The following COL6A5 variants were observed in gnomAD, a reference collection of about 807,000 sequenced individuals.
The protein encoded by COL6A5 is collagen type VI alpha 5 chain, also known as collagen alpha-5(VI) chain.
A neutral mutation model predicts 65.6 loss-of-function variants in COL6A5; 48 were observed. The ratio of observed to expected loss-of-function variants is 0.73; its 90% CI spans 0.58 to 0.93. The LOEUF is 0.93. COL6A5 is among the 40% of genes least tolerant of loss of function. The pLI, the probability that COL6A5 is intolerant of heterozygous loss-of-function variation, is 0.00. For missense variants in COL6A5, 914 were observed against 928.3 expected (o/e 0.98, Z 0.20); for synonymous variants, 291 against 322.8 (o/e 0.90, Z 1.05).
rs1295051654 is a variant in COL6A5 at position 130,379,637 on chromosome 3, C to T, written c.887C>T (p.Ser296Phe). 10 of 1,551,480 alleles carry T rather than the reference C, an allele frequency of 6.4e-6. No homozygotes were observed. In the South Asian group the frequency reaches 8.3e-5, roughly 13 times the overall value. ...TTTCTTAAATCAAGCACAACCCAAT[C>T]TGAATTTCAGCAGCAAATCAAGAAT... Residue 296 changes from serine (S) to phenylalanine (F), a missense_variant and NMD_transcript_variant, in exon 4 of 42, where the codon TCT becomes TTT. Transcript: ENST00000312481.
intron 12 of COL6A5, among the ~76,000 whole-genome samples, chr3:130,403,181 A>G (rs964105944): frequency 6.6e-6 from 1 of 152,240 alleles, no homozygotes; most frequent in African/African-American, 2.4e-5. Flanking sequence ...ATTAAAATAT[A>G]TGCAATCTTG....
At chr3:130,432,842 C>T (rs1484057548) in intron 1 of COL6A5, among the ~76,000 whole-genome samples, 1 of 152,086 alleles carries the variant, frequency 6.6e-6, no homozygotes, top group Non-Finnish European at 1.5e-5. Context: ...CAAAAGAGGT[C>T]CTGTCACTTT....
chr3:130,472,902 TAC>T (rs1160887789), intron 7 of COL6A5, among the ~76,000 whole-genome samples: 1 of 146,312 alleles, frequency 6.8e-6, no homozygotes, highest in Non-Finnish European at 1.5e-5. Context: ...TAAATATATA[TAC>T]ACACATACAT....
intron 13 of COL6A5, among the ~76,000 whole-genome samples, chr3:130,404,633 G>A (rs532000262): frequency 6.6e-6 from 1 of 152,280 alleles, no homozygotes; most frequent in East Asian, 1.9e-4. Context: ...CACCTGCCTG[G>A]CTGAGCCCAC....
chr3:130,351,934 A>T (rs910981081), intron 1 of COL6A5, among the ~76,000 whole-genome samples: 1 of 152,050 alleles, frequency 6.6e-6, no homozygotes, highest in African/African-American at 2.4e-5. Flanking sequence ...TAGACTGGAT[A>T]AAGAAAATGT....
chr3:130,395,293 C>A (rs1428867836), exon 8 of COL6A5: 1 of 1,551,400 alleles, frequency 6.4e-7, no homozygotes, highest in Non-Finnish European at 8.7e-7. Flanking sequence ...CCCTGAAGGA[C>A]CTTGGAATTT....
chr3:130,400,950 C>T, intron 10 of COL6A5, 81 bp from the exon 11 acceptor site: 1 of 1,134,090 alleles, frequency 8.8e-7, no homozygotes, highest in Non-Finnish European at 1.2e-6. Flanking sequence ...AAATCATGTT[C>T]ACTGAGTAGA....
exon 26 of COL6A5, chr3:130,421,187 G>C (rs755141053): frequency 6.4e-7 from 1 of 1,550,636 alleles, no homozygotes; most frequent in East Asian, 2.4e-5. Context: ...GGTCAGATGG[G>C]ACGAAAAGGA....
At chr3:130,391,601 A>G (rs1466865905) in exon 7 of COL6A5, 2 of 1,551,688 alleles carry the variant, frequency 1.3e-6, no homozygotes, top group Admixed American at 2.0e-5. Context: ...CAAAGGCATC[A>G]CCATCTTTGC....
rs534936837 is a variant in COL6A5 at position 130,411,053 on chromosome 3, A to G, written c.4662+529A>G. ...CAATGAGAAAGAGGACTCACAAACA[A>G]ATTCTTCCTAAATGGGCCAAAGCAC... is the stretch of plus-strand genomic sequence containing the variant. On this transcript the variant is annotated intron_variant and NMD_transcript_variant, in intron 20 of 41. Coordinates refer to the COL6A5 transcript ENST00000312481. Among the ~76,000 whole-genome samples, 477 of 152,308 alleles carry G rather than the reference A, an allele frequency of 3.1e-3. 2 individuals are homozygous for G. Among genetic ancestry groups the G allele is most frequent in the Non-Finnish European group, 5.4e-3 (369 of 68,024 alleles).
chr3:130,395,801 C>T (rs552148285), intron 8 of COL6A5, among the ~76,000 whole-genome samples: 15 of 152,286 alleles, frequency 9.8e-5, no homozygotes, highest in Admixed American at 3.3e-4. Context: ...AAATGCCCTG[C>T]ATCCAGTAGG....
chr3:130,388,340 A>C lies in COL6A5; in HGVS notation c.1862-240A>C, dbSNP rs374265137. ...TGAATGAAAGAAATATGAATAAATG[A>C]GTTATGCATGCATGCATGCATGCAT... On this transcript the variant is annotated intron_variant and NMD_transcript_variant, in intron 5 of 41. Coordinates refer to the COL6A5 transcript ENST00000312481. 1.1e-4 allele frequency among the ~76,000 whole-genome samples: 17 copies of C among 149,522 alleles called. No individual in the cohort carries two copies. In the East Asian group the frequency reaches 2.9e-3, roughly 25 times the overall value.
chr3:130,416,649 T>C (rs1439932495), intron 23 of COL6A5, 108 bp from the exon 24 acceptor site: 6 of 697,870 alleles, frequency 8.6e-6, no homozygotes, highest in Non-Finnish European at 1.5e-5. Flanking sequence ...TTGTTAAGGC[T>C]GCATCAAGGA....
intron 6 of COL6A5, 60 bp downstream of exon 6, chr3:130,389,194 A>G (rs1230525213): frequency 2.5e-6 from 3 of 1,186,170 alleles, no homozygotes; most frequent in Non-Finnish European, 3.3e-6. Flanking sequence ...TTATAATGAG[A>G]AACAGTGAAT....
At chr3:130,465,353 G>A (rs1709790928) in intron 5 of COL6A5, among the ~76,000 whole-genome samples, 1 of 152,092 alleles carries the variant, frequency 6.6e-6, no homozygotes, top group Non-Finnish European at 1.5e-5. Context: ...GCACATGCAT[G>A]TGAAGGAATT....
chr3:130,436,356 A>T (rs940484450), intron 1 of COL6A5, among the ~76,000 whole-genome samples: 2 of 151,966 alleles, frequency 1.3e-5, no homozygotes, highest in Non-Finnish European at 2.9e-5. Flanking sequence ...TCTCTGCTAC[A>T]TTATTCCAAT....
At chr3:130,414,223 G>A (rs1937271393) in intron 22 of COL6A5, 92 bp downstream of exon 22, 1 of 1,015,214 alleles carries the variant, frequency 9.9e-7, no homozygotes. Flanking sequence ...ATAAATAACT[G>A]AGAATCTGCC....
intron 5 of COL6A5, among the ~76,000 whole-genome samples, chr3:130,463,242 C>A (rs996164151): frequency 5.3e-5 from 8 of 152,128 alleles, no homozygotes; most frequent in Admixed American, 1.3e-4. Flanking sequence ...GACAGAACCT[C>A]ACACATCAAG....
chr3:130,386,463 A>G (rs1027601765), intron 5 of COL6A5, among the ~76,000 whole-genome samples: 4 of 152,100 alleles, frequency 2.6e-5, no homozygotes, highest in Non-Finnish European at 5.9e-5. Context: ...TCTCTAAGCC[A>G]CTGAAAAACA....
Sources: allele counts gnomAD v4.1 joint callset (sites outside exome capture counted in the v4.1 genomes callset), GRCh38; gene constraint gnomAD v4.1.1; transcripts MANE v1.5; gene names NCBI Gene and HGNC (gene_info 2026-07-23, HGNC 2026-07-21).